Variants in MC4R observed in about 807,000 individuals in gnomAD.
MC4R encodes the protein melanocortin 4 receptor.
MC4R carries 15 observed loss-of-function variants against 16.1 expected under a neutral mutation model. That is an observed-to-expected ratio of 0.93 (90% CI 0.62 to 1.44). MC4R has a LOEUF of 1.44. MC4R is among the 40% of genes most tolerant of loss of function. The probability of loss-of-function intolerance (pLI) is 0.00; values close to 1 mark genes in which losing one functional copy is unlikely to be tolerated. For synonymous variants in MC4R, 162 were observed against 151.7 expected (o/e 1.07, Z -0.50); for missense variants, 416 against 411.4 (o/e 1.01, Z -0.10).
rs1341255215 is a variant in MC4R, at chr18:60,372,012, T to C, written c.338A>G (p.Asp113Gly). ...VITLLNSTDT[D>G]AQSFTVNIDN... ...AATATTCACTGTGAAACTCTGTGCA[T>C]CCGTATCTGTACTGTTTAATAGGGT... Residue 113 changes from aspartate (D) to glycine (G), a missense_variant, in exon 1 of 1, where the codon GAT (aspartate) becomes GGT (glycine). Transcript: ENST00000299766. 2 of 1,614,164 alleles carry C rather than the reference T, an allele frequency of 1.2e-6. No individual in the cohort carries two copies. Among genetic ancestry groups the C allele is most frequent in the Non-Finnish European group, 1.7e-6 (2 of 1,180,028 alleles).
rs764575014 is a variant in MC4R at position 60,371,365 on chromosome 18, A to G, written c.985T>C (p.Ser329Pro). 1 of 1,614,198 alleles carries G rather than the reference A, an allele frequency of 6.2e-7. No individual in the cohort carries two copies. Among genetic ancestry groups the G allele is most frequent in the South Asian group, 1.1e-5 (1 of 91,088 alleles). ...TCTGTCCCCATTTAATATCTGCTAG[A>G]CAAGTCACAAAGGCCTCCCAGGGGA... ...CYPLGGLCDL[S>P]SRY Residue 329 changes from serine to proline, a missense_variant, in exon 1 of 1, where the codon TCT becomes CCT. Coordinates refer to ENST00000299766, the MANE Select transcript of MC4R (RefSeq NM_005912.3).
rs551704486 is a variant in MC4R, at chr18:60,372,699, C to A, written c.-350G>T. On this transcript the variant is annotated 5_prime_UTR_variant, in exon 1 of 1. Transcript: ENST00000299766. ...TTGAAGCTGCCATGCCATTGGGAGA[C>A]GAATCTGTGCGCACATGCTCACATC... 9.4e-5 allele frequency: 33 copies of A among 349,228 alleles called. 2 individuals are homozygous for A. The highest frequency in any genetic ancestry group is 7.8e-4 in the South Asian group (29 of 37,270). The allele number at this position is 349,228 out of a possible 1,614,324, so 21.6% of individuals were successfully genotyped here.
In MC4R at chr18:60,371,468, A is replaced by G. The variant is rs754976323; in HGVS notation, c.882T>C (p.Asn294=). The G allele has an allele frequency of 1.1e-5, 18 of 1,614,114 alleles. No individual in the cohort carries two copies. In the East Asian group the frequency reaches 3.6e-4, roughly 32 times the overall value. Residue 294 remains asparagine, a synonymous_variant, in exon 1 of 1, where the codon AAT becomes AAC. Coordinates refer to ENST00000299766, the MANE Select transcript of MC4R (RefSeq NM_005912.3). ...CATAAATCAGAGGATCGATGATTGAATTACACATGATCAGTATGAGATACA... is the reference window on the plus strand; with the variant it reads ...CATAAATCAGAGGATCGATGATTGAGTTACACATGATCAGTATGAGATACA... ...FNLYLILIMC[N]SIIDPLIYAL...
At position 60,371,228 on chromosome 18, in the gene MC4R, A is replaced by G. The variant is rs941501550; in HGVS notation, c.*123T>C. 3 of 1,016,934 alleles carry G rather than the reference A, an allele frequency of 3.0e-6. No individual in the cohort carries two copies. In the East Asian group the frequency reaches 7.1e-5, roughly 24 times the overall value. 63.0% of individuals were successfully genotyped at this position (1,016,934 alleles called of 1,614,324 possible). A position where few individuals can be genotyped will look rare whatever the true frequency, so the allele number is the denominator to read the frequency against. ...AAAATCATAGGCTTAAATTTACACA[A>G]TGGATATTCTCAACCAGTACCCTAC... On this transcript the variant is annotated 3_prime_UTR_variant, in exon 1 of 1. Transcript: ENST00000299766.
chr18:60,372,606 G>A lies in MC4R; in HGVS notation c.-257C>T. The A allele has an allele frequency of 1.8e-6, 1 of 544,768 alleles. No individual in the cohort carries two copies. Among genetic ancestry groups the A allele is most frequent in the Non-Finnish European group, 3.4e-6 (1 of 293,596 alleles). The allele number at this position is 544,768 out of a possible 1,614,324, so 33.7% of individuals were successfully genotyped here. A position where few individuals can be genotyped will look rare whatever the true frequency, so the allele number is the denominator to read the frequency against. ...TCTCAGTTGAAAGAGTCTGCTCTTT[G>A]CTTTCTTGTTCTCACTTCTGCTTTA... On this transcript the variant is annotated 5_prime_UTR_variant, in exon 1 of 1. The change creates a premature stop within an existing upstream ORF in the 5' untranslated region. Transcript: ENST00000299766.
chr18:60,371,335 C>T lies in MC4R; in HGVS notation c.*16G>A, dbSNP rs200949110. 21 of 1,613,544 alleles carry T rather than the reference C, an allele frequency of 1.3e-5. No homozygotes were observed. Among genetic ancestry groups the T allele is most frequent in the Admixed American group, 1.2e-4 (7 of 60,002 alleles). ...GTCTCTTATGCATGTTCCTATATTG[C>T]GTGCTCTGTCCCCATTTAATATCTG... On this transcript the variant is annotated 3_prime_UTR_variant, in exon 1 of 1. Transcript: ENST00000299766.
In MC4R at chr18:60,371,761, G is replaced by A; in HGVS notation, c.589C>T (p.Leu197Phe). 1 of 1,614,172 alleles carries A rather than the reference G, an allele frequency of 6.2e-7. No homozygotes were observed. Among genetic ancestry groups the A allele is most frequent in the Non-Finnish European group, 8.5e-7 (1 of 1,180,036 alleles). ...YSDSSAVIIC[L>F]ITMFFTMLAL... The stretch of plus-strand genomic sequence containing the variant: ...AGCATGGTGAAGAACATGGTGATGA[G>A]GCAGATGATGACAGCACTACTATCT... Residue 197 changes from leucine to phenylalanine, a missense_variant, in exon 1 of 1, where the codon CTC becomes TTC. Physicochemically the swap from Leu to Phe is conservative, Grantham distance 22 (BLOSUM62 0). Coordinates refer to ENST00000299766, the MANE Select transcript of MC4R (RefSeq NM_005912.3).
At position 60,371,387 on chromosome 18, in the gene MC4R, G is replaced by A; in HGVS notation, c.963C>T (p.Pro321=). ...KTFKEIICCY[P]LGGLCDLSSR... is the part of the protein sequence containing the mutation. ...TAGACAAGTCACAAAGGCCTCCCAGGGGATAGCAACAGATGATCTCTTTGA... is the reference window on the plus strand; with the variant it reads ...TAGACAAGTCACAAAGGCCTCCCAGAGGATAGCAACAGATGATCTCTTTGA... Residue 321 remains proline (P), a synonymous_variant, in exon 1 of 1, where the codon CCC becomes CCT. Coordinates refer to ENST00000299766, the MANE Select transcript of MC4R (RefSeq NM_005912.3). 6.2e-7 allele frequency: 1 copy of A among 1,614,126 alleles called. No homozygotes were observed.
At position 60,371,558 on chromosome 18, in the gene MC4R, G is replaced by A. The variant is rs979984710; in HGVS notation, c.792C>T (p.His264=). The A allele has an allele frequency of 1.9e-6, 3 of 1,614,120 alleles. No individual in the cohort carries two copies. Among genetic ancestry groups the A allele is most frequent in the Non-Finnish European group, 2.5e-6 (3 of 1,180,042 alleles). ...FVVCWAPFFL[H]LIFYISCPQN... is the part of the protein sequence containing the mutation. The stretch of plus-strand genomic sequence containing the variant: ...GAGGACAAGAGATGTAGAATATTAA[G>A]TGGAGGAAGAATGGGGCCCAGCAGA... The change falls in exon 1 of 1, where the codon CAC becomes CAT. Residue 264 remains histidine, a synonymous_variant. Transcript: ENST00000299766.
At position 60,372,178 on chromosome 18, in the gene MC4R, T is replaced by A. The variant is rs121913558; in HGVS notation, c.172A>T (p.Ser58Cys). ...ATCACTAAGATATTCTCCAACAAGC[T>A]GATGACACCCAGAGTCACAAACACC... ...PEVFVTLGVI[S>C]LLENILVIVA... Residue 58 changes from serine (S) to cysteine (C), a missense_variant, in exon 1 of 1, where the codon AGC (serine) becomes TGC (cysteine). Transcript: ENST00000299766. 1 of 1,614,228 alleles carries A rather than the reference T, an allele frequency of 6.2e-7. No homozygotes were observed. The highest frequency in any genetic ancestry group is 1.3e-5 in the African/African-American group (1 of 75,060).
Position 60,371,110 on chromosome 18 carries a change from T to C in MC4R, c.*241A>G, listed in dbSNP as rs1915325783. ...GACTTTTCTTTTTGTAAATCCACAG[T>C]GCCTACAACCTATAACATAGATTCA... On this transcript the variant is annotated 3_prime_UTR_variant, in exon 1 of 1. Transcript: ENST00000299766. The C allele has an allele frequency of 4.0e-6, 2 of 499,314 alleles. No homozygotes were observed. Among genetic ancestry groups the C allele is most frequent in the Non-Finnish European group, 7.2e-6 (2 of 276,264 alleles). The allele number at this position is 499,314 out of a possible 1,614,324, so 30.9% of individuals were successfully genotyped here. A position where few individuals can be genotyped will look rare whatever the true frequency, so the allele number is the denominator to read the frequency against.
rs765201271 is a variant in MC4R, at chr18:60,371,569, A to T, written c.781T>A (p.Phe261Ile). ...ATGTAGAATATTAAGTGGAGGAAGA[A>T]TGGGGCCCAGCAGACAACAAAGACG... Reference protein sequence around the residue: ...IGVFVVCWAPFFLHLIFYISC... With the variant: ...IGVFVVCWAPIFLHLIFYISC... The change falls in exon 1 of 1, where the codon TTC becomes ATC. Residue 261 changes from phenylalanine to isoleucine, a missense_variant. Transcript: ENST00000299766. 6.2e-7 allele frequency: 1 copy of T among 1,614,100 alleles called. No individual in the cohort carries two copies. Among genetic ancestry groups the T allele is most frequent in the African/African-American group, 1.3e-5 (1 of 74,936 alleles).
rs199862517 is a variant in MC4R, at chr18:60,372,335, G to A, written c.15C>T (p.Thr5=). 1.9e-5 allele frequency: 31 copies of A among 1,613,974 alleles called. No homozygotes were observed. Among genetic ancestry groups the A allele is most frequent in the Non-Finnish European group, 2.3e-5 (27 of 1,180,036 alleles). Residue 5 remains threonine (T), a synonymous_variant, in exon 1 of 1, where the codon ACC becomes ACT. Coordinates refer to ENST00000299766, the MANE Select transcript of MC4R (RefSeq NM_005912.3). The part of the protein sequence containing the change: MVNS[T]HRGMHTSLHL... ...GCAGAGAAGTGTGCATCCCACGGTG[G>A]GTGGAGTTCACCATGCTGGCAGGAG...
At position 60,372,409 on chromosome 18, in the gene MC4R, G is replaced by T; in HGVS notation, c.-60C>A. 1 of 1,573,320 alleles carries T rather than the reference G, an allele frequency of 6.4e-7. No homozygotes were observed. The highest frequency in any genetic ancestry group is 8.7e-7 in the Non-Finnish European group (1 of 1,149,478). On this transcript the variant is annotated 5_prime_UTR_variant, in exon 1 of 1. Transcript: ENST00000299766. ...ATTTAACCTCCTGGGTCAGGGAGTCGTCTCAGTTATTTCCTCCAAGTCTTT... is the reference window on the plus strand; with the variant it reads ...ATTTAACCTCCTGGGTCAGGGAGTCTTCTCAGTTATTTCCTCCAAGTCTTT...
chr18:60,371,389 G>T lies in MC4R; in HGVS notation c.961C>A (p.Pro321Thr). 6.2e-7 allele frequency: 1 copy of T among 1,614,162 alleles called. No individual in the cohort carries two copies. Among genetic ancestry groups the T allele is most frequent in the Non-Finnish European group, 8.5e-7 (1 of 1,180,026 alleles). Residue 321 changes from proline to threonine, a missense_variant, in exon 1 of 1, where the codon CCC becomes ACC. By Grantham distance (38) the Pro-to-Thr change is conservative (BLOSUM62 -1). Coordinates refer to ENST00000299766, the MANE Select transcript of MC4R (RefSeq NM_005912.3). ...KTFKEIICCY[P>T]LGGLCDLSSR... ...GACAAGTCACAAAGGCCTCCCAGGG[G>T]ATAGCAACAGATGATCTCTTTGAAG...
rs774123955 is a variant in MC4R, at chr18:60,371,706, A to G, written c.644T>C (p.Met215Thr). ...LALMASLYVH[M>T]FLMARLHIKR... ...AATGTGAAGCCTGGCCATCAGGAAC[A>G]TGTGGACATAGAGAGAAGCCATGAG... is the stretch of plus-strand genomic sequence containing the variant. The change falls in exon 1 of 1, where the codon ATG becomes ACG. Residue 215 changes from methionine to threonine, a missense_variant. Physicochemically the swap from Met to Thr is moderately conservative, Grantham distance 81. Coordinates refer to ENST00000299766, the MANE Select transcript of MC4R (RefSeq NM_005912.3). 1 of 1,614,216 alleles carries G rather than the reference A, an allele frequency of 6.2e-7. No homozygotes were observed. Among genetic ancestry groups the G allele is most frequent in the East Asian group, 2.2e-5 (1 of 44,882 alleles).
Position 60,372,317 on chromosome 18 carries a change from A to G in MC4R, c.33T>C (p.Thr11=). The G allele has an allele frequency of 1.2e-6, 2 of 1,614,226 alleles. No individual in the cohort carries two copies. The highest frequency in any genetic ancestry group is 1.7e-5 in the Admixed American group (1 of 60,032). The change falls in exon 1 of 1, where the codon ACT becomes ACC. Residue 11 remains threonine (T), a synonymous_variant. Coordinates refer to ENST00000299766, the MANE Select transcript of MC4R (RefSeq NM_005912.3). The stretch of plus-strand genomic sequence containing the variant: ...TGCTGCGGTTCCAGAGGTGCAGAGA[A>G]GTGTGCATCCCACGGTGGGTGGAGT... MVNSTHRGMH[T]SLHLWNRSSY...
rs1479194121 is a variant in MC4R at position 60,372,091 on chromosome 18, C to T, written c.259G>A (p.Ala87Thr). Reference protein sequence around the residue: ...SPMYFFICSLAVADMLVSVSN... With the variant: ...SPMYFFICSLTVADMLVSVSN... ...ACGCTCACCAGCATATCAGCCACAG[C>T]CAAGCTGCAGATGAAAAAGTACATG... The change falls in exon 1 of 1, where the codon GCT becomes ACT. Residue 87 changes from alanine to threonine, a missense_variant. Ala to Thr is a moderately conservative substitution (Grantham distance 58). Coordinates refer to ENST00000299766, the MANE Select transcript of MC4R (RefSeq NM_005912.3). 1.2e-6 allele frequency: 2 copies of T among 1,614,094 alleles called. No individual in the cohort carries two copies. The highest frequency in any genetic ancestry group is 2.2e-5 in the East Asian group (1 of 44,902).
rs1000300412 is a variant in MC4R, at chr18:60,371,175, T to C, written c.*176A>G. On this transcript the variant is annotated 3_prime_UTR_variant, in exon 1 of 1. Transcript: ENST00000299766. ...AAAAGTAGCATGACATTGGAAATAA[T>C]ACAGAGACTGGGCATTTTTTCTCAT... is the stretch of plus-strand genomic sequence containing the variant. 5 of 672,802 alleles carry C rather than the reference T, an allele frequency of 7.4e-6. 1 individual carries two copies. In the African/African-American group the frequency reaches 9.0e-5, roughly 12 times the overall value. 41.7% of individuals were successfully genotyped at this position (672,802 alleles called of 1,614,324 possible).
Sources: allele counts gnomAD v4.1 joint callset, GRCh38; gene constraint gnomAD v4.1.1; transcripts MANE v1.5; gene names NCBI Gene and HGNC (gene_info 2026-07-23, HGNC 2026-07-21).